The following CACNA1D variants were observed in gnomAD, a reference collection of about 807,000 sequenced individuals.
CACNA1D encodes the protein calcium voltage-gated channel subunit alpha1 D.
A neutral mutation model predicts 257.1 loss-of-function variants in CACNA1D; 55 were observed. That is an observed-to-expected ratio of 0.21 (90% CI 0.17 to 0.27). The LOEUF is 0.27. Ranked by LOEUF, CACNA1D falls within the 10% of genes least tolerant of loss-of-function variation. The pLI, the probability that CACNA1D is intolerant of heterozygous loss-of-function variation, is 1.00. For missense variants in CACNA1D, 1,876 were observed against 2,784.0 expected (o/e 0.67, Z 7.34); for synonymous variants, 980 against 1,014.9 (o/e 0.97, Z 0.65).
At chr3:53,651,704 T>C (rs776506313) in intron 4 of CACNA1D, among the ~76,000 whole-genome samples, 1 of 152,282 alleles carries the variant, frequency 6.6e-6, no homozygotes, top group South Asian at 2.1e-4. Context: ...AGATAAGATA[T>C]ATCCTTTTTC....
chr3:53,726,848 C>A (rs376157233), intron 14 of CACNA1D, 31 bp from the exon 15 acceptor site: 3 of 1,614,120 alleles, frequency 1.9e-6, no homozygotes, highest in Non-Finnish European at 2.5e-6. Flanking sequence ...TGTGAATCCA[C>A]CTGCTGGCTG....
At chr3:53,733,888 G>A (rs1257717120) in intron 19 of CACNA1D, among the ~76,000 whole-genome samples, 3 of 150,484 alleles carry the variant, frequency 2.0e-5, no homozygotes, top group Non-Finnish European at 4.4e-5. Context: ...TTATTAAACT[G>A]ATATTGCTGA....
chr3:53,787,918 A>T (rs1248802587), intron 40 of CACNA1D, among the ~76,000 whole-genome samples: 1 of 152,206 alleles, frequency 6.6e-6, no homozygotes, highest in Non-Finnish European at 1.5e-5. Flanking sequence ...AGAATTTTTT[A>T]AAATCTATTT....
chr3:53,512,557 A>G (rs944983258), intron 3 of CACNA1D, among the ~76,000 whole-genome samples: 1 of 152,184 alleles, frequency 6.6e-6, no homozygotes, highest in African/African-American at 2.4e-5. Context: ...ACCCGCCAGC[A>G]TGACCTGCCC....
At chr3:53,719,619 C>T in intron 10 of CACNA1D, 136 bp from the exon 11 acceptor site, 1 of 825,936 alleles carries the variant, frequency 1.2e-6, no homozygotes, top group East Asian at 2.4e-5. Context: ...CTTGCCCCTG[C>T]TGGCCTGCTG....
intron 39 of CACNA1D, chr3:53,786,590 A>G (rs750442738): frequency 9.1e-6 from 5 of 550,056 alleles, no homozygotes; most frequent in African/African-American, 1.9e-5. Flanking sequence ...TCTGCAACCT[A>G]GAGTATCAGT....
chr3:53,670,167 T>G (rs1444333177), intron 7 of CACNA1D, among the ~76,000 whole-genome samples: 1 of 152,142 alleles, frequency 6.6e-6, no homozygotes, highest in Non-Finnish European at 1.5e-5. Context: ...TCTCCTTCAT[T>G]CAGGGCACCT....
intron 3 of CACNA1D, among the ~76,000 whole-genome samples, chr3:53,531,641 G>A (rs79939161): frequency 0.019 from 2,901 of 152,232 alleles, 97 homozygotes; most frequent in African/African-American, 0.065. Flanking sequence ...TTCTACAGAG[G>A]TACCTTCTTA....
chr3:53,735,503 G>C lies in CACNA1D; in HGVS notation c.2751G>C (p.Thr917=). ...DPIRSHSFRN[T]ILGYFDYAFT... is the part of the protein sequence containing the mutation. Reference sequence around the variant, plus strand: ...TCCGCAGCCACTCCTTCCGGAACACGGTAAGTCCCCAGGGTGGGGCTCGCT... The same window carrying C: ...TCCGCAGCCACTCCTTCCGGAACACCGTAAGTCCCCAGGGTGGGGCTCGCT... Residue 917 remains threonine (T), a splice_region_variant and synonymous_variant, in exon 20 of 48, where the codon ACG becomes ACC. Coordinates refer to ENST00000350061, the MANE Select transcript of CACNA1D (RefSeq NM_001128840.3). 6.2e-7 allele frequency: 1 copy of C among 1,614,008 alleles called. No homozygotes were observed. Among genetic ancestry groups the C allele is most frequent in the Non-Finnish European group, 8.5e-7 (1 of 1,180,034 alleles).
intron 4 of CACNA1D, among the ~76,000 whole-genome samples, chr3:53,653,781 T>G (rs1404901225): frequency 6.6e-6 from 1 of 151,946 alleles, no homozygotes; most frequent in African/African-American, 2.4e-5. Context: ...AAAAAAAATT[T>G]TGAAGAAACA....
intron 45 of CACNA1D, 128 bp from the exon 46 acceptor site, chr3:53,808,521 T>G (rs2095578934): frequency 8.8e-7 from 1 of 1,141,518 alleles, no homozygotes. Flanking sequence ...ACCTAATCTT[T>G]CTCTTGGACA....
At chr3:53,591,465 G>A (rs2107808239) in intron 3 of CACNA1D, among the ~76,000 whole-genome samples, 1 of 152,238 alleles carries the variant, frequency 6.6e-6, no homozygotes, top group African/African-American at 2.4e-5. Context: ...TGTTGCCCAG[G>A]CTGGTCTTGA....
chr3:53,810,186 A>G lies in CACNA1D; in HGVS notation c.6080A>G (p.Asp2027Gly). The G allele has an allele frequency of 2.5e-6, 4 of 1,613,978 alleles. No homozygotes were observed. The South Asian group carries it at 4.4e-5, about 18-fold the overall frequency. ...CTGCACCGCAGCTCCTGGTACACAG[A>G]CGAGCCCGACATCTCCTACCGGACT... ...PSLHRSSWYT[D>G]EPDISYRTFT... Residue 2027 changes from aspartate (D) to glycine (G), a missense_variant, in exon 47 of 48, where the codon GAC (aspartate) becomes GGC (glycine). By Grantham distance (94) the Asp-to-Gly change is moderately conservative (BLOSUM62 -1). This residue lies in a region of CACNA1D where 491 missense variants were observed against 554.3 expected (regional missense o/e 0.89). Coordinates refer to ENST00000350061, the MANE Select transcript of CACNA1D (RefSeq NM_001128840.3).
At position 53,665,720 on chromosome 3, in the gene CACNA1D, T is replaced by C; in HGVS notation, c.827T>C (p.Leu276Pro). Reference sequence around the variant, plus strand: ...ATGGTTCCCCTCCTTCACATAGCCCTTTTGGTATTATTTGTAATCATAATC... The same window carrying C: ...ATGGTTCCCCTCCTTCACATAGCCCCTTTGGTATTATTTGTAATCATAATC... ...KAMVPLLHIA[L>P]LVLFVIIIYA... Residue 276 changes from leucine (L) to proline (P), a missense_variant, in exon 6 of 48, where the codon CTT (leucine) becomes CCT (proline). Physicochemically the swap from Leu to Pro is moderately conservative, Grantham distance 98 (BLOSUM62 -3). Around this residue, in one of 10 missense-constraint regions of CACNA1D, gnomAD observed 188 missense variants for 390.4 expected, o/e 0.48. Transcript: ENST00000350061. 6.2e-7 allele frequency: 1 copy of C among 1,605,400 alleles called. No individual in the cohort carries two copies. The highest frequency in any genetic ancestry group is 8.5e-7 in the Non-Finnish European group (1 of 1,172,170).
intron 3 of CACNA1D, among the ~76,000 whole-genome samples, chr3:53,514,231 T>C (rs1357086145): frequency 6.6e-6 from 1 of 152,066 alleles, no homozygotes; most frequent in Non-Finnish European, 1.5e-5. Context: ...CCCGGACTTC[T>C]GACTCAAGCG....
intron 8 of CACNA1D, among the ~76,000 whole-genome samples, chr3:53,697,902 A>G (rs532622606): frequency 5.9e-5 from 9 of 151,838 alleles, no homozygotes; most frequent in African/African-American, 2.2e-4. Flanking sequence ...TACCTACCCT[A>G]CCCTTGCCCT....
At chr3:53,757,094 G>A (rs2095270258) in intron 29 of CACNA1D, among the ~76,000 whole-genome samples, 1 of 152,296 alleles carries the variant, frequency 6.6e-6, no homozygotes, top group Non-Finnish European at 1.5e-5. Flanking sequence ...TGCAGAATGG[G>A]CACTGAGTCC....
At chr3:53,498,186 G>A (rs2090431783) in intron 2 of CACNA1D, among the ~76,000 whole-genome samples, 1 of 152,224 alleles carries the variant, frequency 6.6e-6, no homozygotes, top group Non-Finnish European at 1.5e-5. Context: ...GCCCTTATGA[G>A]TTATAGAACA....
intron 3 of CACNA1D, among the ~76,000 whole-genome samples, chr3:53,508,116 G>A (rs1056148771): frequency 1.3e-5 from 2 of 152,122 alleles, no homozygotes; most frequent in South Asian, 2.1e-4. Flanking sequence ...TTTGAGGAGG[G>A]CATGTGGGGA....
Sources: gnomAD v4.1 joint callset for allele counts (sites outside exome capture counted in the v4.1 genomes callset) on GRCh38, gnomAD v4.1.1 for gene constraint, gnomAD v4.1.1 regional missense constraint, MANE v1.5 for transcripts, NCBI Gene and HGNC (gene_info 2026-07-23, HGNC 2026-07-21) for gene names.